Variants in PTPRD observed in about 807,000 individuals in gnomAD.
PTPRD encodes protein tyrosine phosphatase receptor type D.
Under a neutral mutation model 214.5 loss-of-function variants are expected in PTPRD, and 34 were observed. The observed-to-expected ratio is 0.16, with a 90% CI of 0.12 to 0.21. PTPRD has a LOEUF of 0.21. PTPRD is among the 10% of genes least tolerant of loss of function. The pLI, the probability that PTPRD is intolerant of heterozygous loss-of-function variation, is 1.00. For synonymous variants in PTPRD, 1,128 were observed against 845.7 expected (o/e 1.33, Z -5.79); for missense variants, 2,545 against 2,398.7 (o/e 1.06, Z -1.27).
chr9:9,997,092 A>T (rs986826770), intron 4 of PTPRD, among the ~76,000 whole-genome samples: 3 of 152,192 alleles, frequency 2.0e-5, no homozygotes, highest in African/African-American at 7.2e-5. Flanking sequence ...ACAATGTCCA[A>T]ATAATTAAGG....
chr9:10,026,233 T>G (rs1170598394), intron 4 of PTPRD, among the ~76,000 whole-genome samples: 4 of 152,150 alleles, frequency 2.6e-5, no homozygotes, highest in African/African-American at 9.7e-5. Flanking sequence ...TGCCTTTGGC[T>G]AGCTGGAGGA....
At chr9:8,950,351 T>A (rs945439747) in intron 11 of PTPRD, among the ~76,000 whole-genome samples, 3 of 152,020 alleles carry the variant, frequency 2.0e-5, no homozygotes, top group Non-Finnish European at 4.4e-5. Context: ...TCCAACATAT[T>A]CCTCACAATT....
intron 3 of PTPRD, among the ~76,000 whole-genome samples, chr9:10,110,654 A>C (rs1003478547): frequency 6.6e-6 from 1 of 152,240 alleles, no homozygotes; most frequent in African/African-American, 2.4e-5. Flanking sequence ...GTTAAAGGCT[A>C]TATCTTGCCA....
intron 5 of PTPRD, among the ~76,000 whole-genome samples, chr9:9,891,411 G>T (rs996108959): frequency 2.0e-5 from 3 of 150,098 alleles, no homozygotes; most frequent in African/African-American, 4.9e-5. Flanking sequence ...ATCATTCTGC[G>T]AAAGCTGTGA....
At chr9:9,802,855 C>T (rs2099050279) in intron 5 of PTPRD, among the ~76,000 whole-genome samples, 1 of 151,800 alleles carries the variant, frequency 6.6e-6, no homozygotes, top group Admixed American at 6.6e-5. Context: ...TATTCATTCT[C>T]TCTTTCTCAC....
At chr9:8,644,739 G>T (rs887993415) in intron 12 of PTPRD, among the ~76,000 whole-genome samples, 3 of 152,174 alleles carry the variant, frequency 2.0e-5, no homozygotes, top group Non-Finnish European at 4.4e-5. Context: ...ACCCGGAACC[G>T]CCCACCCCGT....
In PTPRD at chr9:8,899,114, C is replaced by T. The variant is rs115809265; in HGVS notation, c.-104+119583G>A. ...CTCTTAAAGAGAGCTGCAGAGCTAA[C>T]GGAGAACCAGGCAAGATAAAAAAAA... On this transcript the variant is annotated intron_variant, in intron 11 of 45. Coordinates refer to ENST00000381196, the MANE Select transcript of PTPRD (RefSeq NM_002839.4). 2.4e-3 allele frequency among the ~76,000 whole-genome samples: 368 copies of T among 152,100 alleles called. 2 individuals are homozygous for T. Among genetic ancestry groups the T allele is most frequent in the African/African-American group, 8.3e-3 (345 of 41,484 alleles).
chr9:8,935,925 C>T (rs924151372), intron 11 of PTPRD, among the ~76,000 whole-genome samples: 5 of 152,084 alleles, frequency 3.3e-5, no homozygotes, highest in African/African-American at 1.2e-4. Context: ...CTGGAAGTCC[C>T]ATGCATGAAG....
intron 11 of PTPRD, among the ~76,000 whole-genome samples, chr9:8,915,220 A>C (rs1409861051): frequency 6.6e-6 from 1 of 152,162 alleles, no homozygotes; most frequent in Admixed American, 6.6e-5. Flanking sequence ...GTGTGTGACG[A>C]GGAGGCATCA....
chr9:10,139,883 T>C (rs1229694587), intron 3 of PTPRD, among the ~76,000 whole-genome samples: 1 of 152,056 alleles, frequency 6.6e-6, no homozygotes, highest in Non-Finnish European at 1.5e-5. Flanking sequence ...ATACATAAAA[T>C]TAACTTATGA....
chr9:8,594,524 T>C (rs563613485), intron 14 of PTPRD, among the ~76,000 whole-genome samples: 18 of 152,216 alleles, frequency 1.2e-4, no homozygotes, highest in African/African-American at 4.3e-4. Flanking sequence ...CCAAATCTCA[T>C]CTTGAATTGT....
At chr9:9,958,965 G>A (rs1398624047) in intron 4 of PTPRD, among the ~76,000 whole-genome samples, 1 of 152,060 alleles carries the variant, frequency 6.6e-6, no homozygotes, top group East Asian at 1.9e-4. Context: ...ACTACACATA[G>A]TCTTACCATA....
intron 9 of PTPRD, among the ~76,000 whole-genome samples, chr9:9,244,932 A>T (rs1296217992): frequency 6.6e-6 from 1 of 152,202 alleles, no homozygotes. Context: ...ACTCAAACAA[A>T]TGTACAAGAA....
At chr9:8,891,375 G>A (rs937717552) in intron 11 of PTPRD, among the ~76,000 whole-genome samples, 4 of 151,296 alleles carry the variant, frequency 2.6e-5, no homozygotes, top group Non-Finnish European at 5.9e-5. Flanking sequence ...CTCGTGATCC[G>A]CCCGCCTCGG....
At chr9:10,143,708 TG>T (rs1203062003) in intron 3 of PTPRD, among the ~76,000 whole-genome samples, 2 of 152,082 alleles carry the variant, frequency 1.3e-5, no homozygotes, top group Non-Finnish European at 2.9e-5. Flanking sequence ...ATATACACCA[TG>T]GGACACTATG....
In PTPRD at chr9:8,640,601, A is replaced by T. The variant is rs540090655; in HGVS notation, c.65-3757T>A. On this transcript the variant is annotated intron_variant, in intron 12 of 45. Coordinates refer to ENST00000381196, the MANE Select transcript of PTPRD (RefSeq NM_002839.4). Reference sequence around the variant, plus strand: ...CAAAAAAACCTAAAAGGGCTCTTAAATTTATTCTTTGAAAACAAGAAAATA... The same window carrying T: ...CAAAAAAACCTAAAAGGGCTCTTAATTTTATTCTTTGAAAACAAGAAAATA... 1.4e-4 allele frequency among the ~76,000 whole-genome samples: 21 copies of T among 150,994 alleles called. No individual in the cohort carries two copies. The South Asian group carries it at 4.4e-3, about 31-fold the overall frequency.
intron 8 of PTPRD, among the ~76,000 whole-genome samples, chr9:9,470,758 C>T (rs142252627): frequency 3.0e-4 from 46 of 152,246 alleles, no homozygotes; most frequent in Non-Finnish European, 3.1e-4. Flanking sequence ...ATCAGTGTAA[C>T]AAGAGCCTCC....
Position 8,970,654 on chromosome 9 carries a change from G to C in PTPRD, c.-104+48043C>G, listed in dbSNP as rs75135520. 5.9e-5 allele frequency among the ~76,000 whole-genome samples: 9 copies of C among 151,846 alleles called. No homozygotes were observed. In the East Asian group the frequency reaches 1.7e-3, roughly 29 times the overall value. On this transcript the variant is annotated intron_variant, in intron 11 of 45. Transcript: ENST00000381196. ...AAATTACAACTAAAAATCTGCTTCA[G>C]AGCACATAAAATTGACATTACAAAA...
At chr9:9,811,103 TG>T (rs2046992114) in intron 5 of PTPRD, among the ~76,000 whole-genome samples, 1 of 151,994 alleles carries the variant, frequency 6.6e-6, no homozygotes, top group African/African-American at 2.4e-5. Flanking sequence ...CTGGGCATGG[TG>T]GTGCACACCT....
Sources: allele counts gnomAD v4.1 joint callset (sites outside exome capture counted in the v4.1 genomes callset), GRCh38; gene constraint gnomAD v4.1.1; transcripts MANE v1.5; gene names NCBI Gene and HGNC (gene_info 2026-07-23, HGNC 2026-07-21).